ABHD2: variants seen among roughly 807,000 people sequenced by gnomAD.
ABHD2 encodes the protein monoacylglycerol lipase ABHD2.
In ABHD2, 20 loss-of-function variants were observed where a neutral mutation model predicts 48.1. The ratio of observed to expected loss-of-function variants is 0.42; its 90% CI spans 0.29 to 0.60. ABHD2 has a LOEUF of 0.60. ABHD2 is among the 20% of genes least tolerant of loss of function. ABHD2 has a pLI of 0.24. For missense variants in ABHD2, 405 were observed against 550.9 expected (o/e 0.74, Z 2.65); for synonymous variants, 209 against 214.2 (o/e 0.98, Z 0.21).
intron 3 of ABHD2, among the ~76,000 whole-genome samples, chr15:89,138,399 T>G (rs2150861859): frequency 6.6e-6 from 1 of 152,334 alleles, no homozygotes; most frequent in Middle Eastern, 3.4e-3. Flanking sequence ...CAAACACCTG[T>G]CACCTTTCTA....
rs1472271878 is a variant in ABHD2, at chr15:89,100,692, A to G, written c.-107+12129A>G. Among the ~76,000 whole-genome samples the G allele has an allele frequency of 6.6e-6, 1 of 152,080 alleles. No individual in the cohort carries two copies. The highest frequency in any genetic ancestry group is 6.5e-5 in the Admixed American group (1 of 15,276). On this transcript the variant is annotated intron_variant, in intron 1 of 10. Coordinates refer to ENST00000352732, the MANE Select transcript of ABHD2 (RefSeq NM_152924.5). This position sits in a 1 kb window ranked among gnomAD's most constrained non-coding sequence, Gnocchi z 4.4. ...AGACCAGCCTGGCCAACATAGTGAA[A>G]CCCTGTCTCTACTAAAAATACAAAA...
chr15:89,117,961 A>C (rs569838120), intron 3 of ABHD2, among the ~76,000 whole-genome samples: 40 of 152,320 alleles, frequency 2.6e-4, no homozygotes, highest in African/African-American at 9.6e-4. Context: ...GAGATTGCGT[A>C]ATAGTGGTGG....
In ABHD2 at chr15:89,091,157, G is replaced by C. The variant is rs1285356759; in HGVS notation, c.-107+2594G>C. On this transcript the variant is annotated intron_variant, in intron 1 of 10. Transcript: ENST00000352732. The surrounding 1 kb of genome is among the most constrained non-coding windows in gnomAD (Gnocchi z 5.5). Reference sequence around the variant, plus strand: ...CACCTTCATTTCCTTTATCGCCTGCGTGGGTCTGACAAATAGGCACTCTCA... The same window carrying C: ...CACCTTCATTTCCTTTATCGCCTGCCTGGGTCTGACAAATAGGCACTCTCA... Among the ~76,000 whole-genome samples the C allele has an allele frequency of 1.3e-5, 2 of 151,942 alleles. No homozygotes were observed. Among genetic ancestry groups the C allele is most frequent in the Non-Finnish European group, 2.9e-5 (2 of 68,004 alleles).
chr15:89,104,785 A>G lies in ABHD2; in HGVS notation c.-106-8940A>G, dbSNP rs2049757130. 6.6e-6 allele frequency among the ~76,000 whole-genome samples: 1 copy of G among 152,164 alleles called. No homozygotes were observed. Among genetic ancestry groups the G allele is most frequent in the African/African-American group, 2.4e-5 (1 of 41,454 alleles). Reference sequence around the variant, plus strand: ...TTCCTCCTTCTGGAAGCTTATTTCCAGACATAGAAGAGTGGGTGGCATCTC... The same window carrying G: ...TTCCTCCTTCTGGAAGCTTATTTCCGGACATAGAAGAGTGGGTGGCATCTC... On this transcript the variant is annotated intron_variant, in intron 1 of 10. Transcript: ENST00000352732. This position sits in a 1 kb window ranked among gnomAD's most constrained non-coding sequence, Gnocchi z 4.4.
chr15:89,140,606 T>G (rs1444076729), intron 3 of ABHD2, among the ~76,000 whole-genome samples: 1 of 151,862 alleles, frequency 6.6e-6, no homozygotes, highest in African/African-American at 2.4e-5. Context: ...GACACACACA[T>G]ACACACACCA....
rs568768857 is a variant in ABHD2 at position 89,092,291 on chromosome 15, C to T, written c.-107+3728C>T. On this transcript the variant is annotated intron_variant, in intron 1 of 10. Transcript: ENST00000352732. The surrounding 1 kb of genome is among the most constrained non-coding windows in gnomAD (Gnocchi z 4.4). ...TGAAGAGCTTTTTAGAGAAGTGGAA[C>T]GTTGGTACCCTTGGATTTGCCTGGT... Among the ~76,000 whole-genome samples, 19 of 152,150 alleles carry T rather than the reference C, an allele frequency of 1.2e-4. No individual in the cohort carries two copies. In the South Asian group the frequency reaches 1.7e-3, roughly 13 times the overall value.
the ABHD2 span, among the ~76,000 whole-genome samples, chr15:89,074,482 G>A: frequency 2.0e-5 from 3 of 152,200 alleles, no homozygotes; most frequent in African/African-American, 7.2e-5. Flanking sequence ...CAGATGCACT[G>A]TTTTAACAAA....
chr15:89,172,630 A>G (rs1162043284), intron 5 of ABHD2, among the ~76,000 whole-genome samples: 3 of 152,248 alleles, frequency 2.0e-5, no homozygotes, highest in Non-Finnish European at 4.4e-5. Flanking sequence ...AGAGTCAGTT[A>G]TAGCCATTAA....
At position 89,173,667 on chromosome 15, in the gene ABHD2, C is replaced by T. The variant is rs974812189; in HGVS notation, c.539-2145C>T. Reference sequence around the variant, plus strand: ...ATTCCAAAGTTAAGAGTTCAAGGATCCTTCTGGACCAGGTTTTTGTTCCTT... The same window carrying T: ...ATTCCAAAGTTAAGAGTTCAAGGATTCTTCTGGACCAGGTTTTTGTTCCTT... On this transcript the variant is annotated intron_variant, in intron 5 of 10. Coordinates refer to ENST00000352732, the MANE Select transcript of ABHD2 (RefSeq NM_152924.5). This position sits in a 1 kb window ranked among gnomAD's most constrained non-coding sequence, Gnocchi z 6.5. 2.6e-5 allele frequency among the ~76,000 whole-genome samples: 4 copies of T among 152,230 alleles called. No homozygotes were observed. Among genetic ancestry groups the T allele is most frequent in the African/African-American group, 9.6e-5 (4 of 41,456 alleles).
chr15:89,163,613 C>T (rs2050794984), intron 5 of ABHD2, among the ~76,000 whole-genome samples: 1 of 152,256 alleles, frequency 6.6e-6, no homozygotes, highest in South Asian at 2.1e-4. Context: ...CTTAATACCA[C>T]CTCTGTGGTA....
At position 89,092,271 on chromosome 15, in the gene ABHD2, A is replaced by G. The variant is rs1331225144; in HGVS notation, c.-107+3708A>G. Among the ~76,000 whole-genome samples, 1 of 152,100 alleles carries G rather than the reference A, an allele frequency of 6.6e-6. No homozygotes were observed. Among genetic ancestry groups the G allele is most frequent in the Non-Finnish European group, 1.5e-5 (1 of 68,022 alleles). On this transcript the variant is annotated intron_variant, in intron 1 of 10. Coordinates refer to ENST00000352732, the MANE Select transcript of ABHD2 (RefSeq NM_152924.5). The surrounding 1 kb of genome is among the most constrained non-coding windows in gnomAD (Gnocchi z 4.4). ...CACAATAAATAGCAGACAGGTGAAG[A>G]GCTTTTTAGAGAAGTGGAACGTTGG...
At chr15:89,129,631 G>GC (rs763514640) in intron 3 of ABHD2, among the ~76,000 whole-genome samples, 13 of 152,076 alleles carry the variant, frequency 8.5e-5, no homozygotes, top group Non-Finnish European at 1.6e-4. Context: ...GCGAGCTGTT[G>GC]CCCCCCGGGA....
chr15:89,062,831 C>T, the ABHD2 span, among the ~76,000 whole-genome samples: 3 of 152,166 alleles, frequency 2.0e-5, no homozygotes, highest in East Asian at 1.9e-4. Context: ...ACGCTAAAGC[C>T]GGCCTGTCTC....
intron 1 of ABHD2, among the ~76,000 whole-genome samples, chr15:89,110,459 T>C (rs1019278326): frequency 5.3e-5 from 8 of 152,228 alleles, no homozygotes; most frequent in African/African-American, 1.9e-4. Flanking sequence ...GTTCTAGATC[T>C]AGCTGCTCCA....
Position 89,182,357 on chromosome 15 carries a change from C to A in ABHD2, c.723-3067C>A, listed in dbSNP as rs933250238. ...GTAATTCTGCCCGAGCTGCCCCTCC[C>A]AGGGTTCCACACTTCTCTCCTGTGT... On this transcript the variant is annotated intron_variant, in intron 6 of 10. Transcript: ENST00000352732. The surrounding 1 kb of genome is among the most constrained non-coding windows in gnomAD (Gnocchi z 4.8). Among the ~76,000 whole-genome samples, 2 of 152,196 alleles carry A rather than the reference C, an allele frequency of 1.3e-5. No homozygotes were observed. Among genetic ancestry groups the A allele is most frequent in the Non-Finnish European group, 2.9e-5 (2 of 68,032 alleles).
chr15:89,087,482 T>C (rs1315764827), upstream of ABHD2: 1 of 152,260 alleles, frequency 6.6e-6, no homozygotes, highest in Non-Finnish European at 1.5e-5. The surrounding 1 kb of genome is among the most constrained non-coding windows in gnomAD (Gnocchi z 5.5). Context: ...GCTCATAGAA[T>C]TTTAGAAATG....
chr15:89,168,088 A>G lies in ABHD2; in HGVS notation c.539-7724A>G, dbSNP rs886106551. The stretch of plus-strand genomic sequence containing the variant: ...GGAACACCAAGTCTCGAGTCCCTGT[A>G]TTTTAGCCTATTTAGTCATGCTAGT... On this transcript the variant is annotated intron_variant, in intron 5 of 10. Coordinates refer to ENST00000352732, the MANE Select transcript of ABHD2 (RefSeq NM_152924.5). The surrounding 1 kb of genome is among the most constrained non-coding windows in gnomAD (Gnocchi z 4.8). Among the ~76,000 whole-genome samples the G allele has an allele frequency of 6.6e-6, 1 of 152,116 alleles. No homozygotes were observed. Among genetic ancestry groups the G allele is most frequent in the African/African-American group, 2.4e-5 (1 of 41,386 alleles).
intron 3 of ABHD2, among the ~76,000 whole-genome samples, chr15:89,127,722 C>CACACATATATATAT (rs145443146): frequency 2.3e-5 from 3 of 133,132 alleles, no homozygotes; most frequent in African/African-American, 9.8e-5. Flanking sequence ...TATATATACA[C>CACACATATATATAT]ATATATATAT....
At position 89,183,384 on chromosome 15, in the gene ABHD2, A is replaced by AAAAAAAAT. The variant is rs61602174; in HGVS notation, c.723-2039_723-2038insAAAAAATA. On this transcript the variant is annotated intron_variant, in intron 6 of 10. Coordinates refer to ENST00000352732, the MANE Select transcript of ABHD2 (RefSeq NM_152924.5). ...AGTCCTTTTCAAAAAAAAAAAAAAAAATATATATATATATATATATATATA... is the reference window on the plus strand; with the variant it reads ...AGTCCTTTTCAAAAAAAAAAAAAAAAAAAAAAATATATATATATATATATATATATATA... 6.2e-3 allele frequency: 287 copies of AAAAAAAAT among 46,256 alleles called. 7 individuals carry two copies. The highest frequency in any genetic ancestry group is 9.7e-3 in the Non-Finnish European group (228 of 23,604). 2.9% of individuals were successfully genotyped at this position (46,256 alleles called of 1,614,324 possible). A position where few individuals can be genotyped will look rare whatever the true frequency, so the allele number is the denominator to read the frequency against.
Sources: allele counts gnomAD v4.1 joint callset (sites outside exome capture counted in the v4.1 genomes callset), GRCh38; gene constraint gnomAD v4.1.1; non-coding constraint Gnocchi (gnomAD v3.1); transcripts MANE v1.5; gene names NCBI Gene and HGNC (gene_info 2026-07-23, HGNC 2026-07-21).